The following SKOR2 variants were observed in gnomAD, a reference collection of about 807,000 sequenced individuals.
SKOR2 encodes the protein LBX1 corepressor 1-like protein.
In SKOR2, 47 loss-of-function variants were observed where a neutral mutation model predicts 69.1. The ratio of observed to expected loss-of-function variants is 0.68; its 90% CI spans 0.54 to 0.87. The LOEUF is 0.87. Among genes scored for constraint, SKOR2 ranks in the 40% least tolerant of loss-of-function variants. The pLI is 0.00. For missense variants in SKOR2, 1,404 were observed against 1,472.2 expected, an observed-to-expected ratio of 0.95 and a Z score of 0.76; for synonymous variants, 717 against 672.6, an observed-to-expected ratio of 1.07 and a Z score of -1.02.
intron 6 of SKOR2, among the ~76,000 whole-genome samples, chr18:47,226,696 G>A (rs2064179905): frequency 2.0e-5 from 3 of 152,164 alleles, no homozygotes; most frequent in Admixed American, 1.3e-4. Context: ...GTCACTACAA[G>A]AATGTCAGCA....
intron 4 of SKOR2, among the ~76,000 whole-genome samples, chr18:47,240,777 T>G (rs994156765): frequency 1.3e-5 from 2 of 152,176 alleles, no homozygotes; most frequent in Non-Finnish European, 2.9e-5. Flanking sequence ...TAAATATAGG[T>G]CTATATCTTT....
At chr18:47,213,330 T>C (rs1211436970) in intron 7 of SKOR2, among the ~76,000 whole-genome samples, 1 of 149,474 alleles carries the variant, frequency 6.7e-6, no homozygotes, top group Non-Finnish European at 1.5e-5. Flanking sequence ...GTGAGGGAAA[T>C]AAAATCACTT....
intron 6 of SKOR2, among the ~76,000 whole-genome samples, chr18:47,221,793 C>T (rs1432572008): frequency 6.6e-6 from 1 of 152,184 alleles, no homozygotes; most frequent in Non-Finnish European, 1.5e-5. Context: ...TCTTAGAGGG[C>T]AGGAAGATAC....
intron 6 of SKOR2, among the ~76,000 whole-genome samples, chr18:47,223,582 C>T (rs192568617): frequency 6.6e-6 from 1 of 152,232 alleles, no homozygotes; most frequent in Admixed American, 6.5e-5. Flanking sequence ...ACCTTAATGT[C>T]CAACATAACA....
chr18:47,245,477 G>GTTTTTTTTTTTTTTTTTTTTTTTTTTTTT (rs762834867), intron 3 of SKOR2, 21 bp downstream of exon 3: 1 of 517,754 alleles, frequency 1.9e-6, no homozygotes, highest in African/African-American at 7.2e-5. Flanking sequence ...AGTGGCAGCT[G>GTTTTTTTTTTTTTTTTTTTTTTTTTTTTT]ATTTTTTTTT....
In SKOR2 at chr18:47,246,659, G is replaced by A. The variant is rs1395601978; in HGVS notation, c.2525C>T (p.Ala842Val). 1.3e-6 allele frequency: 2 copies of A among 1,502,828 alleles called. No homozygotes were observed. Among genetic ancestry groups the A allele is most frequent in the Non-Finnish European group, 1.8e-6 (2 of 1,134,388 alleles). The allele number at this position is 1,502,828 out of a possible 1,614,324, so 93.1% of individuals were successfully genotyped here. ...DLPPPPPPPL[A>V]PQKASGGGSS... Reference sequence around the variant, plus strand: ...GCCGCCGCCACTCGCCTTCTGGGGGGCCAGGGGCGGCGGCGGGGGCGGGGG... The same window carrying A: ...GCCGCCGCCACTCGCCTTCTGGGGGACCAGGGGCGGCGGCGGGGGCGGGGG... The change falls in exon 2 of 9, where the codon GCC becomes GTC. Residue 842 changes from alanine (A) to valine (V), a missense_variant. By Grantham distance (64) the Ala-to-Val change is moderately conservative (BLOSUM62 0). Coordinates refer to ENST00000425639, the MANE Select transcript of SKOR2 (RefSeq NM_001278063.4).
chr18:47,208,436 A>G lies in SKOR2; in HGVS notation c.*4-1544T>C, dbSNP rs543859056. 5.3e-5 allele frequency among the ~76,000 whole-genome samples: 8 copies of G among 152,310 alleles called. No homozygotes were observed. In the South Asian group the frequency reaches 1.4e-3, roughly 28 times the overall value. On this transcript the variant is annotated intron_variant, in intron 8 of 8. Transcript: ENST00000425639. Reference sequence around the variant, plus strand: ...AGTTTGGCCAATGAGTTTCTGCATGACTATGAATGAGACATTTCCCTGATT... The same window carrying G: ...AGTTTGGCCAATGAGTTTCTGCATGGCTATGAATGAGACATTTCCCTGATT...
intron 3 of SKOR2, 81 bp downstream of exon 3, chr18:47,245,417 G>A (rs1346884345): frequency 7.8e-7 from 1 of 1,279,960 alleles, no homozygotes; most frequent in South Asian, 1.7e-5. Flanking sequence ...GTGGGTAGGT[G>A]AGGAGGCTGG....
intron 6 of SKOR2, among the ~76,000 whole-genome samples, chr18:47,224,543 C>A (rs1281204585): frequency 1.3e-5 from 2 of 152,170 alleles, no homozygotes; most frequent in African/African-American, 4.8e-5. Context: ...ATGTTCTAAG[C>A]AAGCAGTGGG....
intron 7 of SKOR2, among the ~76,000 whole-genome samples, chr18:47,217,391 G>A (rs2064147334): frequency 6.6e-6 from 1 of 152,168 alleles, no homozygotes; most frequent in Non-Finnish European, 1.5e-5. Flanking sequence ...TATGGGATGG[G>A]TCTCAATCCC....
chr18:47,249,804 C>T (rs2064304852), intron 1 of SKOR2, among the ~76,000 whole-genome samples: 3 of 152,152 alleles, frequency 2.0e-5, no homozygotes, highest in African/African-American at 7.2e-5. Context: ...TCAGCCTTCT[C>T]CCTCACCCTT....
At position 47,224,412 on chromosome 18, in the gene SKOR2, A is replaced by T. The variant is rs781704031; in HGVS notation, c.2918-4402T>A. Among the ~76,000 whole-genome samples the T allele has an allele frequency of 7.2e-5, 11 of 152,336 alleles. No individual in the cohort carries two copies. The Middle Eastern group carries it at 0.01, about 141-fold the overall frequency. ...AAGGCTGCACACTGCAAACTCAGAC[A>T]GCTGGAAAAGCCAAAGGGTTTTCCA... is the stretch of plus-strand genomic sequence containing the variant. On this transcript the variant is annotated intron_variant, in intron 6 of 8. Coordinates refer to ENST00000425639, the MANE Select transcript of SKOR2 (RefSeq NM_001278063.4).
chr18:47,240,643 A>G (rs902245463), intron 4 of SKOR2, among the ~76,000 whole-genome samples: 2 of 152,218 alleles, frequency 1.3e-5, no homozygotes, highest in African/African-American at 4.8e-5. Context: ...AAAATTAATG[A>G]AAAGTAATAG....
At chr18:47,231,306 G>T in intron 4 of SKOR2, 1 of 832,406 alleles carries the variant, frequency 1.2e-6, no homozygotes, top group Non-Finnish European at 1.8e-6. Context: ...GAAATTGCTA[G>T]AATGGGCAAA....
chr18:47,247,932 A>T lies in SKOR2; in HGVS notation c.1252T>A (p.Phe418Ile). Residue 418 changes from phenylalanine (F) to isoleucine (I), a missense_variant, in exon 2 of 9, where the codon TTC becomes ATC. By Grantham distance (21) the Phe-to-Ile change is conservative. Around this residue, in one of 3 missense-constraint regions of SKOR2, gnomAD observed 1,266 missense variants for 1,309.9 expected, o/e 0.97. Coordinates refer to ENST00000425639, the MANE Select transcript of SKOR2 (RefSeq NM_001278063.4). This position sits in a 1 kb window ranked among gnomAD's most constrained non-coding sequence, Gnocchi z 6.6. ...PYTFPAAAAA[F>I]SLCHKKEDAG... ...TCCTCTTTCTTATGGCACAAGCTGA[A>T]GGCGGCGGCCGCGGCAGGGAAGGTG... 7.3e-7 allele frequency: 1 copy of T among 1,367,872 alleles called. No homozygotes were observed. The highest frequency in any genetic ancestry group is 9.4e-7 in the Non-Finnish European group (1 of 1,066,960). 84.7% of individuals were successfully genotyped at this position (1,367,872 alleles called of 1,614,324 possible).
intron 4 of SKOR2, chr18:47,231,296 G>A (rs1208668506): frequency 1.1e-6 from 1 of 900,508 alleles, no homozygotes; most frequent in Non-Finnish European, 1.7e-6. Context: ...TACAAGGAAG[G>A]AAATTGCTAG....
At chr18:47,216,403 A>G (rs1337773791) in intron 7 of SKOR2, among the ~76,000 whole-genome samples, 1 of 152,184 alleles carries the variant, frequency 6.6e-6, no homozygotes, top group Non-Finnish European at 1.5e-5. Flanking sequence ...TTTTTTAAAA[A>G]GGTAGCTTAT....
Position 47,246,678 on chromosome 18 carries a change from G to A in SKOR2, c.2506C>T (p.Pro836Ser), listed in dbSNP as rs750604635. The A allele has an allele frequency of 1.4e-5, 21 of 1,499,976 alleles. No homozygotes were observed. Among genetic ancestry groups the A allele is most frequent in the South Asian group, 5.0e-5 (4 of 80,458 alleles). 92.9% of individuals were successfully genotyped at this position (1,499,976 alleles called of 1,614,324 possible). Residue 836 changes from proline (P) to serine (S), a missense_variant, in exon 2 of 9, where the codon CCC (proline) becomes TCC (serine). Transcript: ENST00000425639. Reference sequence around the variant, plus strand: ...TGGGGGGCCAGGGGCGGCGGCGGGGGCGGGGGCAGGTCCGAGCCGGGGTCC... The same window carrying A: ...TGGGGGGCCAGGGGCGGCGGCGGGGACGGGGGCAGGTCCGAGCCGGGGTCC... ...LGDPGSDLPP[P>S]PPPPLAPQKA...
At position 47,248,008 on chromosome 18, in the gene SKOR2, C is replaced by T. The variant is rs1322804817; in HGVS notation, c.1176G>A (p.Gly392=). 2 of 1,435,432 alleles carry T rather than the reference C, an allele frequency of 1.4e-6. No homozygotes were observed. The highest frequency in any genetic ancestry group is 1.8e-6 in the Non-Finnish European group (2 of 1,095,930). 88.9% of individuals were successfully genotyped at this position (1,435,432 alleles called of 1,614,324 possible). The change falls in exon 2 of 9, where the codon GGG becomes GGA. Residue 392 remains glycine, a synonymous_variant. Transcript: ENST00000425639. The surrounding 1 kb of genome is among the most constrained non-coding windows in gnomAD (Gnocchi z 6.4). ...AGCCCGGGAACTTCTGCAGGACGCC[C>T]CCGAACGAGCCCTTGCTGGGCACCG... The part of the protein sequence containing the change: ...VIPVPSKGSF[G]GVLQKFPGCG...
Sources: allele counts gnomAD v4.1 joint callset (sites outside exome capture counted in the v4.1 genomes callset), GRCh38; gene constraint gnomAD v4.1.1; regional missense constraint gnomAD v4.1.1; non-coding constraint Gnocchi (gnomAD v3.1); transcripts MANE v1.5; gene names NCBI Gene and HGNC (gene_info 2026-07-23, HGNC 2026-07-21).